DEPDC5: variants seen among roughly 807,000 people sequenced by gnomAD.
The protein encoded by DEPDC5 is GATOR1 complex protein DEPDC5.
A neutral mutation model predicts 217.3 loss-of-function variants in DEPDC5; 73 were observed. That is an observed-to-expected ratio of 0.34 (90% CI 0.28 to 0.41). The LOEUF is 0.41. Ranked by LOEUF, DEPDC5 falls within the 10% of genes least tolerant of loss-of-function variation. DEPDC5 has a pLI of 1.00. For synonymous variants in DEPDC5, 733 were observed against 756.7 expected (o/e 0.97, Z 0.51); for missense variants, 1,675 against 2,070.1 (o/e 0.81, Z 3.70).
intron 38 of DEPDC5, among the ~76,000 whole-genome samples, chr22:31,881,095 G>A (rs376054307): frequency 8.6e-5 from 13 of 151,850 alleles, no homozygotes; most frequent in Admixed American, 4.6e-4. Context: ...TGGATCACCT[G>A]AGGTCAAGAG....
intron 33 of DEPDC5, among the ~76,000 whole-genome samples, chr22:31,868,601 A>G (rs1179377959): frequency 1.4e-4 from 22 of 151,940 alleles, no homozygotes; most frequent in Admixed American, 1.4e-3. Flanking sequence ...TAATTTTTGC[A>G]TTTTTTGTAG....
chr22:31,845,110 A>G lies in DEPDC5; in HGVS notation c.2894A>G (p.His965Arg), dbSNP rs2091648587. The change falls in exon 30 of 43, where the codon CAC (histidine) becomes CGC (arginine). Residue 965 changes from histidine to arginine, a missense_variant. This residue lies in a region of DEPDC5 where 293 missense variants were observed against 386.1 expected (regional missense o/e 0.76). Transcript: ENST00000651528. ...AAGCGCATCACGGAGGGGGAGGCCC[A>G]CTGCGACATCTATGGGGACAGGCCC... ...ATKRITEGEA[H>R]CDIYGDRPRA... 1.2e-6 allele frequency: 2 copies of G among 1,614,056 alleles called. No homozygotes were observed. Among genetic ancestry groups the G allele is most frequent in the African/African-American group, 1.3e-5 (1 of 74,936 alleles).
At chr22:31,866,999 G>A (rs1418127622) in intron 33 of DEPDC5, among the ~76,000 whole-genome samples, 1 of 152,146 alleles carries the variant, frequency 6.6e-6, no homozygotes, top group African/African-American at 2.4e-5. Flanking sequence ...TTTATTGGAG[G>A]CACATCACTA....
chr22:31,802,600 TA>T, intron 14 of DEPDC5, 103 bp from the exon 15 acceptor site: 1 of 1,337,850 alleles, frequency 7.5e-7, no homozygotes, highest in Non-Finnish European at 9.9e-7. Flanking sequence ...GTTGCTATAA[TA>T]AAAATATGGG....
chr22:31,856,155 G>GCGCGCGCACACA lies in DEPDC5; in HGVS notation c.3156-1289_3156-1288insGCGCGCACACAC, dbSNP rs1226909374. Among the ~76,000 whole-genome samples the GCGCGCGCACACA allele has an allele frequency of 3.2e-4, 45 of 140,570 alleles. 2 individuals carry two copies. Among genetic ancestry groups the GCGCGCGCACACA allele is most frequent in the Non-Finnish European group, 4.0e-4 (26 of 64,588 alleles). 92.2% of individuals were successfully genotyped at this position (140,570 alleles called of 152,430 possible). A position where few individuals can be genotyped will look rare whatever the true frequency, so the allele number is the denominator to read the frequency against. ...GAGATGTGCTGAGTTGGGCCAACGC[G>GCGCGCGCACACA]CACACACACACACACACACACACAC... On this transcript the variant is annotated intron_variant, in intron 31 of 42. Transcript: ENST00000651528.
At position 31,838,801 on chromosome 22, in the gene DEPDC5, C is replaced by T; in HGVS notation, c.2471C>T (p.Pro824Leu). The change falls in exon 27 of 43, where the codon CCT becomes CTT. Residue 824 changes from proline to leucine, a missense_variant. Pro to Leu is a moderately conservative substitution (Grantham distance 98). Coordinates refer to ENST00000651528, the MANE Select transcript of DEPDC5 (RefSeq NM_001242896.3). The part of the protein sequence containing the change: ...IVQPKTQKPN[P>L]AVPPPLSSSP... The stretch of plus-strand genomic sequence containing the variant: ...CAGCCCAAGACACAGAAACCCAATC[C>T]TGCTGTCCCGCCCCCGCTGAGCAGT... 2 of 1,614,126 alleles carry T rather than the reference C, an allele frequency of 1.2e-6. No homozygotes were observed. The highest frequency in any genetic ancestry group is 1.7e-6 in the Non-Finnish European group (2 of 1,180,002).
chr22:31,876,058 C>T, intron 36 of DEPDC5, 99 bp from the exon 37 acceptor site: 1 of 977,212 alleles, frequency 1.0e-6, no homozygotes, highest in Non-Finnish European at 1.6e-6. Context: ...AGGGTCTCCT[C>T]AGTGCTCCTG....
intron 10 of DEPDC5, among the ~76,000 whole-genome samples, chr22:31,791,654 C>T (rs1601870059): frequency 7.7e-6 from 1 of 129,232 alleles, no homozygotes; most frequent in Non-Finnish European, 1.6e-5. Flanking sequence ...AAGGGCTGGG[C>T]ACAGTGGCTC....
intron 23 of DEPDC5, 126 bp downstream of exon 23, chr22:31,821,763 G>A (rs975273007): frequency 2.2e-6 from 3 of 1,358,776 alleles, no homozygotes; most frequent in African/African-American, 1.4e-5. Flanking sequence ...TGAGGTCAGG[G>A]CCTTCCTTTG....
rs566435871 is a variant in DEPDC5 at position 31,805,800 on chromosome 22, A to G, written c.1218-322A>G. Among the ~76,000 whole-genome samples, 124 of 152,282 alleles carry G rather than the reference A, an allele frequency of 8.1e-4. 1 individual carries two copies. Among genetic ancestry groups the G allele is most frequent in the East Asian group, 1.9e-4 (1 of 5,180 alleles). On this transcript the variant is annotated intron_variant, in intron 17 of 42. Transcript: ENST00000651528. ...TGATATTAGACTGTTTTTGACCTAC[A>G]AAAGTAGCAATTTCAGGCCGGTCAC...
intron 10 of DEPDC5, 69 bp downstream of exon 10, chr22:31,784,944 GT>G: frequency 2.1e-6 from 3 of 1,441,324 alleles, no homozygotes; most frequent in Non-Finnish European, 1.9e-6. Flanking sequence ...AAAATGCACT[GT>G]TTTTATTAAA....
chr22:31,838,778 G>A lies in DEPDC5; in HGVS notation c.2448G>A (p.Gln816=). 6.2e-7 allele frequency: 1 copy of A among 1,614,102 alleles called. No individual in the cohort carries two copies. Among genetic ancestry groups the A allele is most frequent in the Non-Finnish European group, 8.5e-7 (1 of 1,179,994 alleles). ...RLMQGYQIIV[Q]PKTQKPNPAV... ...TGCAGGGCTACCAAATCATAGTGCA[G>A]CCCAAGACACAGAAACCCAATCCTG... is the stretch of plus-strand genomic sequence containing the variant. Residue 816 remains glutamine (Q), a synonymous_variant, in exon 27 of 43, where the codon CAG becomes CAA. Coordinates refer to ENST00000651528, the MANE Select transcript of DEPDC5 (RefSeq NM_001242896.3).
intron 4 of DEPDC5, among the ~76,000 whole-genome samples, chr22:31,761,261 G>A (rs565909422): frequency 2.6e-5 from 4 of 152,238 alleles, no homozygotes; most frequent in South Asian, 2.1e-4. Flanking sequence ...GATTACAGGC[G>A]TGAGCCACCA....
Position 31,783,890 on chromosome 22 carries a change from T to C in DEPDC5, c.484-17T>C, listed in dbSNP as rs767266869. 6.2e-7 allele frequency: 1 copy of C among 1,608,098 alleles called. No homozygotes were observed. The highest frequency in any genetic ancestry group is 8.5e-7 in the Non-Finnish European group (1 of 1,176,634). ...TATATGGCATTGCTTTTTAATACAA[T>C]TGTGTTTTTATTTCAGGTGGTGTTT... On this transcript the variant is annotated splice_polypyrimidine_tract_variant and intron_variant, in intron 8 of 42. Coordinates refer to ENST00000651528, the MANE Select transcript of DEPDC5 (RefSeq NM_001242896.3).
intron 39 of DEPDC5, chr22:31,894,628 C>G (rs1263916571): frequency 3.3e-5 from 5 of 151,862 alleles, no homozygotes; most frequent in African/African-American, 1.2e-4. Flanking sequence ...GCAGATCACT[C>G]AAGGTCAGGA....
At chr22:31,805,820 G>A (rs1011489012) in intron 17 of DEPDC5, among the ~76,000 whole-genome samples, 9 of 152,080 alleles carry the variant, frequency 5.9e-5, no homozygotes, top group South Asian at 2.1e-4. Flanking sequence ...ATTTCAGGCC[G>A]GTCACAGTGG....
intron 38 of DEPDC5, among the ~76,000 whole-genome samples, chr22:31,892,653 C>A (rs1485881608): frequency 6.6e-6 from 1 of 152,150 alleles, no homozygotes; most frequent in East Asian, 1.9e-4. Context: ...TACTGCACTC[C>A]AGCCCGGGTG....
chr22:31,802,682 G>A, intron 14 of DEPDC5, 22 bp from the exon 15 acceptor site: 2 of 1,527,244 alleles, frequency 1.3e-6, no homozygotes, highest in Non-Finnish European at 1.8e-6. Flanking sequence ...TCATTATTGT[G>A]GAATTTTTGT....
At chr22:31,889,289 A>G (rs900319063) in intron 38 of DEPDC5, among the ~76,000 whole-genome samples, 2 of 152,210 alleles carry the variant, frequency 1.3e-5, no homozygotes, top group Non-Finnish European at 2.9e-5. Context: ...CAACATCATA[A>G]TCCGCTAGAA....
Sources: gnomAD v4.1 joint callset for allele counts (sites outside exome capture counted in the v4.1 genomes callset) on GRCh38, gnomAD v4.1.1 for gene constraint, gnomAD v4.1.1 regional missense constraint, MANE v1.5 for transcripts, NCBI Gene and HGNC (gene_info 2026-07-23, HGNC 2026-07-21) for gene names.